Variants in TBXT observed in about 807,000 individuals in gnomAD.
The protein encoded by TBXT is T-box transcription factor T, also known as T brachyury transcription factor.
Under a neutral mutation model 41.1 loss-of-function variants are expected in TBXT, and 19 were observed. That is an observed-to-expected ratio of 0.46 (90% CI 0.32 to 0.68). TBXT has a LOEUF of 0.68. Ranked by LOEUF, TBXT falls within the 30% of genes least tolerant of loss-of-function variation. The probability of loss-of-function intolerance (pLI) is 0.03; values close to 1 mark genes in which losing one functional copy is unlikely to be tolerated. For missense variants in TBXT, 536 were observed against 582.0 expected, an observed-to-expected ratio of 0.92 and a Z score of 0.81; for synonymous variants, 213 against 238.9, an observed-to-expected ratio of 0.89 and a Z score of 1.00.
chr6:166,163,868 A>T (rs1779032479), intron 5 of TBXT, among the ~76,000 whole-genome samples: 1 of 152,228 alleles, frequency 6.6e-6, no homozygotes, highest in South Asian at 2.1e-4. Context: ...TACTCAAGTG[A>T]CTGCCTTTCT....
At position 166,167,484 on chromosome 6, in the gene TBXT, G is replaced by A; in HGVS notation, c.108C>T (p.Asp36=). 1 of 1,611,324 alleles carries A rather than the reference G, an allele frequency of 6.2e-7. No individual in the cohort carries two copies. The highest frequency in any genetic ancestry group is 8.5e-7 in the Non-Finnish European group (1 of 1,179,896). Residue 36 remains aspartate (D), a synonymous_variant, in exon 1 of 8, where the codon GAC becomes GAT. Transcript: ENST00000366876. ...CCACGCGCAGTTCGCGCTCTGTGGG[G>A]TCGCCCTTCTCGCTGCCCGCCTGCA... ...NELQAGSEKG[D]PTERELRVGL...
intron 7 of TBXT, among the ~76,000 whole-genome samples, chr6:166,159,239 T>C (rs1778880889): frequency 6.6e-6 from 1 of 152,210 alleles, no homozygotes; most frequent in Admixed American, 6.5e-5. Context: ...AGAATAAAAC[T>C]TTTCAGATAG....
At chr6:166,159,701 C>A (rs1352875462) in intron 7 of TBXT, among the ~76,000 whole-genome samples, 4 of 152,144 alleles carry the variant, frequency 2.6e-5, no homozygotes, top group Admixed American at 6.5e-5. Flanking sequence ...AATAATGAGA[C>A]CTTATGTTGT....
chr6:166,159,097 G>A (rs1778875889), intron 7 of TBXT, among the ~76,000 whole-genome samples: 4 of 152,200 alleles, frequency 2.6e-5, no homozygotes, highest in South Asian at 2.1e-4. Context: ...GCTTGAACCC[G>A]GGAGGCAGAT....
At position 166,165,845 on chromosome 6, in the gene TBXT, GGGAGACAGATACA is replaced by G; in HGVS notation, c.472-18_472-6del. 1 of 1,614,098 alleles carries G rather than the reference GGGAGACAGATACA, an allele frequency of 6.2e-7. No homozygotes were observed. Among genetic ancestry groups the G allele is most frequent in the Non-Finnish European group, 8.5e-7 (1 of 1,179,992 alleles). ...ATGCAAGGAGTTCAGCATGATCTGA[GGGAGACAGATACA>G]GGATTGGTGGCACTGAAAGGCCTGC... On this transcript the variant is annotated splice_polypyrimidine_tract_variant and splice_region_variant and intron_variant, in intron 2 of 7. Coordinates refer to ENST00000366876, the MANE Select transcript of TBXT (RefSeq NM_001366285.2).
chr6:166,158,649 G>A (rs1259722246), intron 7 of TBXT, 61 bp from the exon 8 acceptor site: 8 of 1,435,452 alleles, frequency 5.6e-6, no homozygotes, highest in African/African-American at 1.4e-5. Context: ...AGCTAAGGAT[G>A]GAAAAACACA....
At position 166,158,419 on chromosome 6, in the gene TBXT, C is replaced by T. The variant is rs34517945; in HGVS notation, c.1207G>A (p.Glu403Lys). The change falls in exon 8 of 8, where the codon GAA (glutamate) becomes AAA (lysine). Residue 403 changes from glutamate (E) to lysine (K), a missense_variant. Coordinates refer to ENST00000366876, the MANE Select transcript of TBXT (RefSeq NM_001366285.2). The part of the protein sequence containing the change: ...APSSSGSPLY[E>K]GAAAATDIVD... ...ATGTCTGTGGCCGCGGCCGCCCCTT[C>T]GTACAGTGGGGATCCCGAGGAAGAG... 6.8e-5 allele frequency: 109 copies of T among 1,614,188 alleles called. No individual in the cohort carries two copies. In the African/African-American group the frequency reaches 1.2e-3, roughly 18 times the overall value.
At chr6:166,166,989 C>A in intron 1 of TBXT, 133 bp from the exon 2 acceptor site, 1 of 1,463,646 alleles carries the variant, frequency 6.8e-7, no homozygotes, top group South Asian at 1.2e-5. Context: ...GGGTGACTCC[C>A]AAGCTCCCCC....
chr6:166,166,281 T>G (rs1779107064), intron 2 of TBXT, among the ~76,000 whole-genome samples: 1 of 150,670 alleles, frequency 6.6e-6, no homozygotes, highest in East Asian at 1.9e-4. Context: ...ATGTTTAAAT[T>G]TAAATGCGAC....
chr6:166,166,252 G>A (rs916426549), intron 2 of TBXT, among the ~76,000 whole-genome samples: 2 of 152,148 alleles, frequency 1.3e-5, no homozygotes, highest in African/African-American at 4.8e-5. Context: ...CCGACTCCAC[G>A]CAGTAAGTAC....
chr6:166,165,858 A>C lies in TBXT; in HGVS notation c.472-18T>G. The C allele has an allele frequency of 6.2e-7, 1 of 1,614,100 alleles. No homozygotes were observed. Among genetic ancestry groups the C allele is most frequent in the South Asian group, 1.1e-5 (1 of 91,080 alleles). On this transcript the variant is annotated intron_variant, in intron 2 of 7. Transcript: ENST00000366876. ...AGCATGATCTGAGGGAGACAGATAC[A>C]GGATTGGTGGCACTGAAAGGCCTGC...
At position 166,166,727 on chromosome 6, in the gene TBXT, C is replaced by G. The variant is rs200980847; in HGVS notation, c.336G>C (p.Gly112=). The G allele has an allele frequency of 6.2e-7, 1 of 1,613,828 alleles. No individual in the cohort carries two copies. The highest frequency in any genetic ancestry group is 8.5e-7 in the Non-Finnish European group (1 of 1,180,048). Residue 112 remains glycine (G), a synonymous_variant, in exon 2 of 8, where the codon GGG becomes GGC. Coordinates refer to ENST00000366876, the MANE Select transcript of TBXT (RefSeq NM_001366285.2). ...TGGGCGCCTGCGGCTCCGGCTTGCC[C>G]CCCGGCACCCATTCCCCGTTCACGT... The part of the protein sequence containing the change: ...WKYVNGEWVP[G]GKPEPQAPSC...
chr6:166,166,916 G>A (rs1779135790), intron 1 of TBXT, 60 bp from the exon 2 acceptor site: 1 of 1,609,704 alleles, frequency 6.2e-7, no homozygotes. Flanking sequence ...GCCGGAGGCA[G>A]AAGCTGGGCA....
In TBXT at chr6:166,163,806, G is replaced by A. The variant is rs142707145; in HGVS notation, c.730+799C>T. Among the ~76,000 whole-genome samples, 476 of 152,394 alleles carry A rather than the reference G, an allele frequency of 3.1e-3. 4 individuals are homozygous for A. Among genetic ancestry groups the A allele is most frequent in the Non-Finnish European group, 2.2e-3 (151 of 68,036 alleles). Reference sequence around the variant, plus strand: ...TCCAGGCAGCACTGGAAGGAAGGGTGCAGACGTGCCCTGGCTGCCCAGCCG... The same window carrying A: ...TCCAGGCAGCACTGGAAGGAAGGGTACAGACGTGCCCTGGCTGCCCAGCCG... On this transcript the variant is annotated intron_variant, in intron 5 of 7. Coordinates refer to ENST00000366876, the MANE Select transcript of TBXT (RefSeq NM_001366285.2).
intron 5 of TBXT, 121 bp downstream of exon 5, chr6:166,164,484 G>T: frequency 8.4e-7 from 1 of 1,195,406 alleles, no homozygotes; most frequent in South Asian, 1.2e-5. Context: ...TGGCAAAAAG[G>T]CAATCTTACA....
Position 166,166,682 on chromosome 6 carries a change from G to A in TBXT, c.381C>T (p.Pro127=), listed in dbSNP as rs767353156. ...PQAPSCVYIH[P]DSPNFGAHWM... ...AGTGGGCCCCGAAGTTGGGCGAGTC[G>A]GGGTGGATGTAGACGCAGCTGGGCG... is the stretch of plus-strand genomic sequence containing the variant. Residue 127 remains proline, a synonymous_variant, in exon 2 of 8, where the codon CCC becomes CCT. Transcript: ENST00000366876. The A allele has an allele frequency of 3.1e-6, 5 of 1,614,060 alleles. No homozygotes were observed. In the East Asian group the frequency reaches 1.1e-4, roughly 36 times the overall value.
chr6:166,165,673 A>T (rs751601485), intron 3 of TBXT, 33 bp downstream of exon 3: 2 of 1,613,122 alleles, frequency 1.2e-6, no homozygotes, highest in South Asian at 1.1e-5. Context: ...ACCGCAGCAC[A>T]CCGGGAAAGC....
Position 166,164,651 on chromosome 6 carries a change from C to T in TBXT, c.684G>A (p.Glu228=). 6.2e-7 allele frequency: 1 copy of T among 1,613,852 alleles called. No homozygotes were observed. The highest frequency in any genetic ancestry group is 8.5e-7 in the Non-Finnish European group (1 of 1,179,994). Residue 228 remains glutamate, a synonymous_variant, in exon 5 of 8, where the codon GAG becomes GAA. Transcript: ENST00000366876. ...LDAKERSDHK[E]MMEEPGDSQQ... ...GGCTGTCTCCGGGTTCCTCCATCAT[C>T]TCTTTGTGATCACTTCTATCAAAAT...
Position 166,167,438 on chromosome 6 carries a change from A to G in TBXT, c.154T>C (p.Trp52Arg). 1 of 1,613,198 alleles carries G rather than the reference A, an allele frequency of 6.2e-7. No individual in the cohort carries two copies. Residue 52 changes from tryptophan to arginine, a missense_variant, in exon 1 of 8, where the codon TGG becomes CGG. Transcript: ENST00000366876. ...TTGGTGAGCTCCTTGAAGCGCAGCC[A>G]CAGCTCGCTCTCCTCCAGGCCCACG... Reference protein sequence around the residue: ...LRVGLEESELWLRFKELTNEM... With the variant: ...LRVGLEESELRLRFKELTNEM...
Sources: allele counts gnomAD v4.1 joint callset (sites outside exome capture counted in the v4.1 genomes callset), GRCh38; gene constraint gnomAD v4.1.1; transcripts MANE v1.5; gene names NCBI Gene and HGNC (gene_info 2026-07-23, HGNC 2026-07-21).